The following PTPRG variants were observed in gnomAD, a reference collection of about 807,000 sequenced individuals.
PTPRG encodes the protein receptor-type tyrosine-protein phosphatase gamma.
PTPRG carries 102 observed loss-of-function variants against 165.3 expected under a neutral mutation model. That is an observed-to-expected ratio of 0.62 (90% CI 0.53 to 0.73). PTPRG has a LOEUF of 0.73. PTPRG is among the 30% of genes least tolerant of loss of function. The probability of loss-of-function intolerance (pLI) is 0.00; values close to 1 mark genes in which losing one functional copy is unlikely to be tolerated. For missense variants in PTPRG, 1,866 were observed against 1,861.4 expected (o/e 1.00, Z -0.05); for synonymous variants, 675 against 669.5 (o/e 1.01, Z -0.13).
chr3:61,820,603 G>GTTTTTTTTTTTTTTTT (rs11329820), intron 2 of PTPRG, among the ~76,000 whole-genome samples: 16 of 65,734 alleles, frequency 2.4e-4, no homozygotes, highest in South Asian at 7.1e-4. Context: ...CTGTGTCTCT[G>GTTTTTTTTTTTTTTTT]TTTTTTTTTT....
Position 62,144,094 on chromosome 3 carries a change from T to G in PTPRG, c.682+11426T>G, listed in dbSNP as rs139638926. 3.6e-3 allele frequency among the ~76,000 whole-genome samples: 554 copies of G among 152,326 alleles called. 2 individuals carry two copies. The highest frequency in any genetic ancestry group is 0.013 in the African/African-American group (527 of 41,564). On this transcript the variant is annotated intron_variant, in intron 6 of 29. Coordinates refer to ENST00000474889, the MANE Select transcript of PTPRG (RefSeq NM_002841.4). ...TGCACTCACTTGTTTACATATCATC[T>G]ATGGCTACTTTTGCACAACAATGGC... is the stretch of plus-strand genomic sequence containing the variant.
intron 2 of PTPRG, chr3:61,750,554 C>T (rs938079974): frequency 6.6e-6 from 1 of 152,108 alleles, no homozygotes; most frequent in African/African-American, 2.4e-5. Flanking sequence ...TTGGGTATTG[C>T]CTCCAGTAGT....
At chr3:61,933,396 A>G (rs1575799287) in intron 2 of PTPRG, among the ~76,000 whole-genome samples, 1 of 152,200 alleles carries the variant, frequency 6.6e-6, no homozygotes, top group Admixed American at 6.5e-5. Flanking sequence ...GTTGTGAACA[A>G]ATAACAAACC....
At chr3:62,135,720 A>G (rs1158446439) in intron 6 of PTPRG, among the ~76,000 whole-genome samples, 2 of 152,120 alleles carry the variant, frequency 1.3e-5, no homozygotes, top group African/African-American at 4.8e-5. Context: ...GATCAAATGG[A>G]GAAGGACCAG....
rs564989274 is a variant in PTPRG at position 61,976,030 on chromosome 3, C to T, written c.191-13595C>T. ...CTTGAAGAACCGTGTTCTAATATTC[C>T]CCAAGGGAGGTCCCTTGTTACCTAC... On this transcript the variant is annotated intron_variant, in intron 2 of 29. Coordinates refer to ENST00000474889, the MANE Select transcript of PTPRG (RefSeq NM_002841.4). 2.6e-5 allele frequency among the ~76,000 whole-genome samples: 4 copies of T among 152,180 alleles called. No homozygotes were observed. In the South Asian group the frequency reaches 8.3e-4, roughly 32 times the overall value.
intron 2 of PTPRG, among the ~76,000 whole-genome samples, chr3:61,774,664 A>G (rs2034314059): frequency 6.6e-6 from 1 of 152,206 alleles, no homozygotes; most frequent in Non-Finnish European, 1.5e-5. Context: ...TTGTTTTATA[A>G]TTAGCATCAA....
intron 4 of PTPRG, among the ~76,000 whole-genome samples, chr3:62,020,093 C>T (rs780177422): frequency 6.6e-6 from 1 of 151,954 alleles, no homozygotes; most frequent in Non-Finnish European, 1.5e-5. Flanking sequence ...GATCTGTTGT[C>T]ATTTTGACTC....
At chr3:62,266,433 A>G (rs1346960890) in intron 17 of PTPRG, among the ~76,000 whole-genome samples, 1 of 152,120 alleles carries the variant, frequency 6.6e-6, no homozygotes, top group Admixed American at 6.5e-5. Context: ...AGAAATAACA[A>G]TATGCAATTA....
intron 2 of PTPRG, among the ~76,000 whole-genome samples, chr3:61,906,586 A>C (rs540751819): frequency 6.6e-6 from 1 of 152,184 alleles, no homozygotes; most frequent in South Asian, 2.1e-4. Context: ...CCTGGGCAAC[A>C]TAGGTAGACC....
chr3:61,925,812 A>T, intron 2 of PTPRG: 1 of 459,070 alleles, frequency 2.2e-6, no homozygotes, highest in South Asian at 1.5e-5. Flanking sequence ...TGTTCACCAG[A>T]GGGGATTAGG....
intron 8 of PTPRG, among the ~76,000 whole-genome samples, chr3:62,182,411 T>C (rs1375560447): frequency 1.3e-5 from 2 of 152,246 alleles, no homozygotes; most frequent in East Asian, 1.9e-4. Flanking sequence ...TGTTAGAGAT[T>C]AGTGAACATA....
At chr3:61,882,227 AC>A (rs909752571) in intron 2 of PTPRG, among the ~76,000 whole-genome samples, 4 of 152,196 alleles carry the variant, frequency 2.6e-5, no homozygotes, top group East Asian at 3.8e-4. Context: ...GGGTCAGTCA[AC>A]TGCGTGTGTT....
At chr3:61,672,213 A>G (rs1293368003) in intron 1 of PTPRG, among the ~76,000 whole-genome samples, 8 of 130,654 alleles carry the variant, frequency 6.1e-5, no homozygotes, top group Admixed American at 4.5e-4. Context: ...GCGGCCGGGC[A>G]GAGACGCTCC....
At position 61,637,626 on chromosome 3, in the gene PTPRG, G is replaced by A. The variant is rs191050463; in HGVS notation, c.85+75254G>A. 3.3e-4 allele frequency among the ~76,000 whole-genome samples: 50 copies of A among 152,268 alleles called. 1 individual carries two copies. The East Asian group carries it at 8.3e-3, about 25-fold the overall frequency. ...CGGAAGCGAAGTTGTTTGTGATGCCGGAGCACACACCTGCGGGAACTGTAG... is the reference window on the plus strand; with the variant it reads ...CGGAAGCGAAGTTGTTTGTGATGCCAGAGCACACACCTGCGGGAACTGTAG... On this transcript the variant is annotated intron_variant, in intron 1 of 29. Transcript: ENST00000474889.
intron 2 of PTPRG, among the ~76,000 whole-genome samples, chr3:61,778,447 C>A (rs2034448537): frequency 6.6e-6 from 1 of 152,130 alleles, no homozygotes; most frequent in Non-Finnish European, 1.5e-5. Flanking sequence ...AATTTTCCAT[C>A]TGCTATGCAG....
intron 2 of PTPRG, among the ~76,000 whole-genome samples, chr3:61,972,176 T>C (rs908201387): frequency 2.6e-5 from 4 of 152,180 alleles, no homozygotes; most frequent in African/African-American, 9.7e-5. Flanking sequence ...CTCCAGAAGG[T>C]GACTGAGTTG....
At chr3:62,033,655 A>C (rs1699847525) in intron 4 of PTPRG, among the ~76,000 whole-genome samples, 1 of 150,670 alleles carries the variant, frequency 6.6e-6, no homozygotes, top group Non-Finnish European at 1.5e-5. Flanking sequence ...ATGAGCCACC[A>C]CGCCTGGCTT....
At chr3:62,083,852 A>G (rs1241998123) in intron 5 of PTPRG, among the ~76,000 whole-genome samples, 1 of 152,232 alleles carries the variant, frequency 6.6e-6, no homozygotes, top group East Asian at 1.9e-4. Context: ...AATGGATTTC[A>G]GTCAGATGCA....
intron 2 of PTPRG, among the ~76,000 whole-genome samples, chr3:61,778,714 GA>G (rs1200030551): frequency 6.6e-6 from 1 of 152,124 alleles, no homozygotes; most frequent in Non-Finnish European, 1.5e-5. Context: ...CTGTAGCCTT[GA>G]AGGAGTGAAG....
Sources: allele counts gnomAD v4.1 joint callset (sites outside exome capture counted in the v4.1 genomes callset), GRCh38; gene constraint gnomAD v4.1.1; transcripts MANE v1.5; gene names NCBI Gene and HGNC (gene_info 2026-07-23, HGNC 2026-07-21).